The following MTRR variants were observed in gnomAD, a reference collection of about 807,000 sequenced individuals.
MTRR encodes the protein 5-methyltetrahydrofolate-homocysteine methyltransferase reductase.
A neutral mutation model predicts 79.2 loss-of-function variants in MTRR; 63 were observed. The observed-to-expected ratio is 0.80, with a 90% CI of 0.65 to 0.98. The LOEUF is 0.98. MTRR is among the 50% of genes least tolerant of loss of function. The probability of loss-of-function intolerance (pLI) is 0.00; values close to 1 mark genes in which losing one functional copy is unlikely to be tolerated. For synonymous variants in MTRR, 355 were observed against 313.3 expected (o/e 1.13, Z -1.41); for missense variants, 895 against 839.6 (o/e 1.07, Z -0.82).
chr5:7,892,949 C>T (rs1390381535), intron 11 of MTRR, 36 bp downstream of exon 11: 4 of 1,587,886 alleles, frequency 2.5e-6, no homozygotes, highest in South Asian at 1.1e-5. Context: ...GCATTGTTAA[C>T]TCATACTCTT....
At chr5:7,873,161 A>G (rs1252773795) in intron 2 of MTRR, among the ~76,000 whole-genome samples, 1 of 152,238 alleles carries the variant, frequency 6.6e-6, no homozygotes, top group Non-Finnish European at 1.5e-5. Flanking sequence ...GAGCATCAAC[A>G]AAACAGACGC....
At chr5:7,866,725 A>C, upstream of MTRR, 2 of 1,613,788 alleles carry the variant, frequency 1.2e-6, no homozygotes, top group Non-Finnish European at 1.7e-6. Context: ...GTGAACATGA[A>C]TGAAGAAGTT....
At chr5:7,866,626 A>G (rs1295732408), upstream of MTRR, 1 of 1,535,532 alleles carries the variant, frequency 6.5e-7, no homozygotes. Flanking sequence ...TCCAACTGTC[A>G]GAATTTATAA....
rs536536377 is a variant in MTRR, at chr5:7,854,517, G to C, written n.391+2932G>C. On this transcript the variant is annotated intron_variant and non_coding_transcript_variant, in intron 1 of 3. Transcript: ENST00000502509. Reference sequence around the variant, plus strand: ...CTTAGAGTTCCACATGGCTAGGGAGGCCTCAGAATCATGGCAGGAGATGAA... The same window carrying C: ...CTTAGAGTTCCACATGGCTAGGGAGCCCTCAGAATCATGGCAGGAGATGAA... Among the ~76,000 whole-genome samples the C allele has an allele frequency of 4.6e-5, 7 of 152,240 alleles. No homozygotes were observed. In the East Asian group the frequency reaches 1.2e-3, roughly 25 times the overall value.
chr5:7,868,937 C>G, upstream of MTRR: 1 of 672,306 alleles, frequency 1.5e-6, no homozygotes, highest in African/African-American at 1.8e-5. Context: ...TCTTTGACAC[C>G]CAGCCGGACC....
At chr5:7,895,905 G>C (rs1738427913) in intron 12 of MTRR, 53 bp downstream of exon 12, 2 of 1,609,070 alleles carry the variant, frequency 1.2e-6, no homozygotes, top group Middle Eastern at 1.7e-4. Flanking sequence ...AACCGTTTTT[G>C]TTTCTTTAGT....
chr5:7,896,911 G>A lies in MTRR; in HGVS notation c.1724G>A (p.Trp575Ter). 2 of 1,613,980 alleles carry A rather than the reference G, an allele frequency of 1.2e-6. No individual in the cohort carries two copies. The highest frequency in any genetic ancestry group is 1.7e-6 in the Non-Finnish European group (2 of 1,179,988). ...CCAGATGGAAATTTTGGAGCAATGT[G>A]GTTGTTTTTTGGCTGCAGGCATAAG... ...QHPDGNFGAMWLFFGCRHKDR... is the reference protein window; with the variant it reads ...QHPDGNFGAM Residue 575 changes from tryptophan (W) to a stop codon, truncating the protein, a stop_gained, in exon 13 of 15, where the codon TGG becomes TAG. Coordinates refer to ENST00000440940, the MANE Select transcript of MTRR (RefSeq NM_002454.3). LOFTEE classifies it high-confidence loss of function.
upstream of MTRR, chr5:7,867,639 G>A (rs1251756062): frequency 6.2e-7 from 1 of 1,614,224 alleles, no homozygotes; most frequent in Non-Finnish European, 8.5e-7. Context: ...TCTTTTGGCA[G>A]CCCTTGATCA....
intron 1 of MTRR, 95 bp from the exon 2 acceptor site, chr5:7,870,675 T>C: frequency 1.5e-6 from 2 of 1,312,144 alleles, no homozygotes; most frequent in South Asian, 2.5e-5. Flanking sequence ...TGTGTGGGTA[T>C]TGTTGCATTG....
chr5:7,890,068 C>T (rs921441751), intron 9 of MTRR, among the ~76,000 whole-genome samples: 1 of 152,156 alleles, frequency 6.6e-6, no homozygotes, highest in African/African-American at 2.4e-5. Context: ...CTTTCTTGTG[C>T]TTGTAACTTT....
chr5:7,875,922 C>G (rs1304170760), intron 4 of MTRR, among the ~76,000 whole-genome samples: 2 of 152,214 alleles, frequency 1.3e-5, no homozygotes, highest in Non-Finnish European at 2.9e-5. Flanking sequence ...TTTGTTTTTA[C>G]AAGTCAGTAT....
chr5:7,869,576 C>G (rs1747510659), intron 1 of MTRR: 1 of 273,980 alleles, frequency 3.6e-6, no homozygotes, highest in Non-Finnish European at 7.1e-6. Context: ...GGGCGGCGCG[C>G]TCCGGGGAAC....
chr5:7,886,877 G>C (rs1210594817), intron 8 of MTRR, among the ~76,000 whole-genome samples, 174 bp downstream of exon 8: 1 of 152,096 alleles, frequency 6.6e-6, no homozygotes, highest in East Asian at 1.9e-4. Context: ...TATCATCTAT[G>C]AATCTTTTTA....
intron 14 of MTRR, among the ~76,000 whole-genome samples, 198 bp downstream of exon 14, chr5:7,897,445 G>A (rs945247171): frequency 1.3e-5 from 2 of 152,204 alleles, no homozygotes; most frequent in African/African-American, 2.4e-5. Flanking sequence ...CAGGGAAATA[G>A]TGGTGAAAGT....
chr5:7,858,396 G>T (rs1018962707), intron 1 of MTRR, among the ~76,000 whole-genome samples: 1 of 151,750 alleles, frequency 6.6e-6, no homozygotes, highest in African/African-American at 2.4e-5. Context: ...GAGCGGCAAG[G>T]TCAGCTGGGT....
At chr5:7,895,919 T>C (rs1738432124) in intron 12 of MTRR, 67 bp downstream of exon 12, 1 of 1,597,290 alleles carries the variant, frequency 6.3e-7, no homozygotes, top group African/African-American at 1.3e-5. Context: ...CTTTAGTCAT[T>C]TTGAGGATAA....
intron 14 of MTRR, among the ~76,000 whole-genome samples, chr5:7,898,010 A>C (rs576855695): frequency 2.6e-5 from 4 of 152,330 alleles, no homozygotes; most frequent in Non-Finnish European, 4.4e-5. Context: ...TTCATGAAAC[A>C]AAGCAACGTT....
intron 2 of MTRR, 101 bp from the exon 3 acceptor site, chr5:7,873,272 T>C: frequency 6.1e-6 from 9 of 1,480,164 alleles, no homozygotes; most frequent in East Asian, 2.3e-5. Flanking sequence ...AGGAAGAAGA[T>C]TGAAATACAA....
At position 7,878,040 on chromosome 5, in the gene MTRR, A is replaced by G. The variant is rs747865209; in HGVS notation, c.498A>G (p.Ala166=). The G allele has an allele frequency of 4.3e-6, 7 of 1,613,200 alleles. No homozygotes were observed. The highest frequency in any genetic ancestry group is 2.2e-5 in the East Asian group (1 of 44,814). The change falls in exon 5 of 15, where the codon GCA becomes GCG. Residue 166 remains alanine, a synonymous_variant. Transcript: ENST00000440940. ...GAGGACAAGAGGAGATAAGTGGCGC[A>G]CTCCCGGTGGCATCACCTGCATCCT... ...SSRGQEEISG[A]LPVASPASSR... is the part of the protein sequence containing the mutation.
Sources: allele counts gnomAD v4.1 joint callset (sites outside exome capture counted in the v4.1 genomes callset), GRCh38; gene constraint gnomAD v4.1.1; transcripts MANE v1.5; gene names NCBI Gene and HGNC (gene_info 2026-07-23, HGNC 2026-07-21).